Variants in RSF1 observed in about 807,000 individuals in gnomAD.
The protein encoded by RSF1 is HBV pX-associated protein 8.
A neutral mutation model predicts 145.2 loss-of-function variants in RSF1; 13 were observed. The ratio of observed to expected loss-of-function variants is 0.09; its 90% CI spans 0.06 to 0.14. RSF1 has a LOEUF of 0.14. Among genes scored for constraint, RSF1 ranks in the 10% least tolerant of loss-of-function variants. The pLI is 1.00. For missense variants in RSF1, 1,517 were observed against 1,718.2 expected (o/e 0.88, Z 2.07); for synonymous variants, 577 against 592.6 (o/e 0.97, Z 0.38).
chr11:77,849,378 C>T, the RSF1 span, among the ~76,000 whole-genome samples: 8 of 152,020 alleles, frequency 5.3e-5, no homozygotes, highest in South Asian at 2.1e-4. Flanking sequence ...TGTGTGACCA[C>T]GCCCGGCTAA....
At chr11:77,836,692 G>A in the RSF1 span, among the ~76,000 whole-genome samples, 2 of 152,198 alleles carry the variant, frequency 1.3e-5, no homozygotes, top group South Asian at 2.1e-4. Context: ...GTGGCCGGGC[G>A]CAGCGGCTTA....
At chr11:77,699,234 T>C (rs1442908927) in intron 6 of RSF1, among the ~76,000 whole-genome samples, 2 of 152,206 alleles carry the variant, frequency 1.3e-5, no homozygotes, top group African/African-American at 4.8e-5. Context: ...ATTTTAAATT[T>C]TAAATAAGCC....
At chr11:77,855,646 C>T in the RSF1 span, among the ~76,000 whole-genome samples, 306 of 151,492 alleles carry the variant, frequency 2.0e-3, 2 homozygotes, top group Non-Finnish European at 4.4e-4. Flanking sequence ...TCTTTTATGC[C>T]ACATGACCAG....
At chr11:77,691,051 A>G in intron 9 of RSF1, 108 bp downstream of exon 9, 4 of 1,006,442 alleles carry the variant, frequency 4.0e-6, no homozygotes, top group Non-Finnish European at 5.9e-6. Context: ...TTTGGCCCAC[A>G]GGCCACAGTA....
the RSF1 span, chr11:77,869,583 C>A: frequency 1.3e-6 from 1 of 774,898 alleles, no homozygotes; most frequent in Non-Finnish European, 2.1e-6. Context: ...TTCCTAAGTG[C>A]CTTAAAGAGC....
chr11:77,794,752 A>G (rs927734830), intron 1 of RSF1, among the ~76,000 whole-genome samples: 1 of 152,196 alleles, frequency 6.6e-6, no homozygotes, highest in African/African-American at 2.4e-5. Context: ...CATACTGAAT[A>G]TGTACAAGTT....
At chr11:77,754,895 G>A (rs1190258065) in intron 2 of RSF1, among the ~76,000 whole-genome samples, 5 of 152,084 alleles carry the variant, frequency 3.3e-5, no homozygotes, top group Non-Finnish European at 5.9e-5. Context: ...CTTGAGCCCA[G>A]GAAGTCAAGG....
chr11:77,784,652 G>T (rs1948436692), intron 1 of RSF1, among the ~76,000 whole-genome samples: 1 of 152,040 alleles, frequency 6.6e-6, no homozygotes, highest in African/African-American at 2.4e-5. Context: ...AATCAGTTGG[G>T]CTTTGTTTTG....
chr11:77,703,714 T>G (rs1960477528), intron 5 of RSF1, among the ~76,000 whole-genome samples: 2 of 152,220 alleles, frequency 1.3e-5, no homozygotes, highest in South Asian at 2.1e-4. Context: ...TAATCAGTAT[T>G]TCTTCCTTCT....
At chr11:77,812,884 CAAAA>C (rs71046910) in intron 1 of RSF1, among the ~76,000 whole-genome samples, 9 of 110,540 alleles carry the variant, frequency 8.1e-5, no homozygotes, top group Admixed American at 3.1e-4. Context: ...AGCTCCATCT[CAAAA>C]AAAAAAAAAA....
intron 4 of RSF1, among the ~76,000 whole-genome samples, chr11:77,730,690 T>G (rs1012189737): frequency 2.0e-5 from 3 of 152,200 alleles, no homozygotes; most frequent in Non-Finnish European, 2.9e-5. Flanking sequence ...GGTGATTGAA[T>G]TATGGGATGT....
chr11:77,670,986 A>G (rs1383066157), intron 15 of RSF1, among the ~76,000 whole-genome samples: 1 of 149,326 alleles, frequency 6.7e-6, no homozygotes, highest in Non-Finnish European at 1.5e-5. Context: ...ACATGCCTAA[A>G]ATCCTAGCTA....
chr11:77,801,419 G>C (rs1565185060), intron 1 of RSF1, among the ~76,000 whole-genome samples: 1 of 152,124 alleles, frequency 6.6e-6, no homozygotes, highest in East Asian at 1.9e-4. Flanking sequence ...AACAGAGCAA[G>C]ACTCCGTCTC....
chr11:77,767,941 ATTG>A (rs1948242476), intron 1 of RSF1, among the ~76,000 whole-genome samples: 1 of 152,198 alleles, frequency 6.6e-6, no homozygotes, highest in African/African-American at 2.4e-5. Context: ...AAATCTACTC[ATTG>A]TTGATTTAGG....
At chr11:77,723,359 A>G (rs1960981801) in intron 5 of RSF1, among the ~76,000 whole-genome samples, 1 of 152,170 alleles carries the variant, frequency 6.6e-6, no homozygotes, top group Non-Finnish European at 1.5e-5. Flanking sequence ...TACTCAGGAA[A>G]GGCTGAAGGG....
chr11:77,860,124 G>GT, the RSF1 span, among the ~76,000 whole-genome samples: 8 of 152,310 alleles, frequency 5.3e-5, no homozygotes, highest in Admixed American at 1.3e-4. Flanking sequence ...AGCTATCCCT[G>GT]TTTTTTCTGT....
chr11:77,692,074 A>G (rs996746583), intron 8 of RSF1, among the ~76,000 whole-genome samples: 18 of 151,980 alleles, frequency 1.2e-4, no homozygotes, highest in Admixed American at 1.2e-3. Flanking sequence ...TACTTTTAGT[A>G]GAGATGGGAT....
chr11:77,714,317 A>G (rs1214244654), intron 5 of RSF1, among the ~76,000 whole-genome samples: 1 of 152,150 alleles, frequency 6.6e-6, no homozygotes, highest in Non-Finnish European at 1.5e-5. Context: ...TGTTGTTACC[A>G]TCAATATGTT....
chr11:77,714,659 T>C (rs1302870171), intron 5 of RSF1, among the ~76,000 whole-genome samples: 1 of 152,128 alleles, frequency 6.6e-6, no homozygotes, highest in Non-Finnish European at 1.5e-5. Context: ...CTGGGCAACA[T>C]GGTGAAACCT....
Sources: gnomAD v4.1 joint callset for allele counts (sites outside exome capture counted in the v4.1 genomes callset) on GRCh38, gnomAD v4.1.1 for gene constraint, MANE v1.5 for transcripts, NCBI Gene and HGNC (gene_info 2026-07-23, HGNC 2026-07-21) for gene names.